CSMD1: variants seen among roughly 807,000 people sequenced by gnomAD.
CSMD1 encodes CUB and sushi domain-containing protein 1.
A neutral mutation model predicts 417.5 loss-of-function variants in CSMD1; 213 were observed. The observed-to-expected ratio is 0.51, with a 90% CI of 0.46 to 0.57. The LOEUF (loss-of-function observed/expected upper bound fraction) is 0.57. Among genes scored for constraint, CSMD1 ranks in the 20% least tolerant of loss-of-function variants. The pLI is 0.00. For missense variants in CSMD1, 6,923 were observed against 4,529.7 expected (o/e 1.53, Z -15.17); for synonymous variants, 2,862 against 1,736.8 (o/e 1.65, Z -16.11).
rs184987349 is a variant in CSMD1 at position 4,457,285 on chromosome 8, T to G, written c.303-37220A>C. 2.6e-4 allele frequency among the ~76,000 whole-genome samples: 40 copies of G among 152,254 alleles called. 1 individual carries two copies. In the Middle Eastern group the frequency reaches 0.014, roughly 52 times the overall value. On this transcript the variant is annotated intron_variant, in intron 2 of 69. Coordinates refer to ENST00000635120, the MANE Select transcript of CSMD1 (RefSeq NM_033225.6). ...TGCCCATCTTACTTACATATATCATTTGAATTGCATCTTTCTAAGACTACT... is the reference window on the plus strand; with the variant it reads ...TGCCCATCTTACTTACATATATCATGTGAATTGCATCTTTCTAAGACTACT...
At chr8:3,042,569 C>A (rs923302061) in intron 50 of CSMD1, among the ~76,000 whole-genome samples, 11 of 152,248 alleles carry the variant, frequency 7.2e-5, no homozygotes, top group African/African-American at 2.6e-4. Flanking sequence ...TACGCTAGTT[C>A]CACATGGGTA....
intron 10 of CSMD1, among the ~76,000 whole-genome samples, chr8:3,505,224 G>A (rs865891805): frequency 1.3e-5 from 2 of 152,030 alleles, no homozygotes; most frequent in African/African-American, 2.4e-5. Flanking sequence ...ATGCAATAAT[G>A]GATATAGAAT....
chr8:4,887,059 G>A (rs1249134899), intron 1 of CSMD1, among the ~76,000 whole-genome samples: 1 of 151,872 alleles, frequency 6.6e-6, no homozygotes, highest in Non-Finnish European at 1.5e-5. Context: ...GTGCTAGGTG[G>A]AAGTTTAGGA....
intron 5 of CSMD1, among the ~76,000 whole-genome samples, chr8:3,928,741 C>T (rs1809927687): frequency 6.7e-6 from 1 of 149,898 alleles, no homozygotes; most frequent in African/African-American, 2.5e-5. Flanking sequence ...TACTTTTGAA[C>T]CCATTCTGAA....
rs951743530 is a variant in CSMD1 at position 4,154,219 on chromosome 8, G to T, written c.416-122120C>A. Among the ~76,000 whole-genome samples the T allele has an allele frequency of 3.0e-4, 45 of 152,070 alleles. 1 individual carries two copies. Among genetic ancestry groups the T allele is most frequent in the Non-Finnish European group, 1.3e-4 (9 of 68,014 alleles). On this transcript the variant is annotated intron_variant, in intron 3 of 69. Coordinates refer to ENST00000635120, the MANE Select transcript of CSMD1 (RefSeq NM_033225.6). Reference sequence around the variant, plus strand: ...TCTATTCAGGAAGAATAATATCAAGGTTAGTGTAAGCATACAATGAAATAA... The same window carrying T: ...TCTATTCAGGAAGAATAATATCAAGTTTAGTGTAAGCATACAATGAAATAA...
At chr8:4,101,882 TAAC>T (rs1313123535) in intron 3 of CSMD1, among the ~76,000 whole-genome samples, 12 of 152,196 alleles carry the variant, frequency 7.9e-5, no homozygotes, top group Non-Finnish European at 1.5e-4. Context: ...ATCATCTTGT[TAAC>T]AACTACTATC....
chr8:4,228,844 G>A (rs1239123905), intron 3 of CSMD1, among the ~76,000 whole-genome samples: 1 of 151,906 alleles, frequency 6.6e-6, no homozygotes, highest in Non-Finnish European at 1.5e-5. Flanking sequence ...ACTGTGCCCA[G>A]CTAATTTTTG....
intron 5 of CSMD1, among the ~76,000 whole-genome samples, chr8:3,906,543 G>A (rs1423315243): frequency 3.3e-5 from 5 of 151,796 alleles, no homozygotes; most frequent in Admixed American, 2.0e-4. Flanking sequence ...TGAAGACAAG[G>A]TTTTAGGCAG....
chr8:3,927,141 A>C (rs1455225583), intron 5 of CSMD1, among the ~76,000 whole-genome samples: 2 of 151,984 alleles, frequency 1.3e-5, no homozygotes, highest in African/African-American at 4.8e-5. Flanking sequence ...ATTATAAATA[A>C]AAGATAGGGT....
At chr8:3,813,319 A>C (rs932065684) in intron 5 of CSMD1, among the ~76,000 whole-genome samples, 6 of 152,184 alleles carry the variant, frequency 3.9e-5, no homozygotes, top group Non-Finnish European at 4.4e-5. Flanking sequence ...CTAAGATATC[A>C]TATGATCTGT....
intron 5 of CSMD1, among the ~76,000 whole-genome samples, chr8:3,894,483 AACT>A (rs1311494445): frequency 1.3e-5 from 2 of 152,222 alleles, no homozygotes; most frequent in Non-Finnish European, 2.9e-5. Flanking sequence ...TCAAATATAG[AACT>A]ACAAGTAGTT....
At chr8:4,195,221 G>A (rs553540997) in intron 3 of CSMD1, among the ~76,000 whole-genome samples, 101 of 152,224 alleles carry the variant, frequency 6.6e-4, no homozygotes, top group African/African-American at 2.3e-3. Flanking sequence ...GCATACATTC[G>A]ATTTCAGGCA....
chr8:3,573,481 G>A (rs867919135), intron 10 of CSMD1, among the ~76,000 whole-genome samples: 30 of 152,168 alleles, frequency 2.0e-4, no homozygotes, highest in Non-Finnish European at 3.7e-4. Flanking sequence ...AGAGAGCCCA[G>A]AAATTCCTCA....
At chr8:3,081,170 C>G (rs1171136798) in intron 49 of CSMD1, among the ~76,000 whole-genome samples, 1 of 152,134 alleles carries the variant, frequency 6.6e-6, no homozygotes, top group African/African-American at 2.4e-5. Flanking sequence ...AGAATGAGCT[C>G]AACGTGCCAG....
At chr8:4,217,331 G>A (rs1018740069) in intron 3 of CSMD1, among the ~76,000 whole-genome samples, 5 of 152,184 alleles carry the variant, frequency 3.3e-5, no homozygotes, top group African/African-American at 1.2e-4. Context: ...GCCAGGTGCT[G>A]CCTTGGACTC....
chr8:4,693,527 T>C (rs1806912098), intron 1 of CSMD1, among the ~76,000 whole-genome samples: 1 of 152,240 alleles, frequency 6.6e-6, no homozygotes, highest in South Asian at 2.1e-4. Flanking sequence ...AGTCTGCTTC[T>C]TTAATTTTAC....
intron 6 of CSMD1, among the ~76,000 whole-genome samples, chr8:3,750,581 G>C (rs914787934): frequency 1.3e-5 from 2 of 151,952 alleles, no homozygotes; most frequent in South Asian, 4.2e-4. Flanking sequence ...TCAGATAAAA[G>C]GTACAATACA....
At position 2,936,240 on chromosome 8, in the gene CSMD1, C is replaced by T. The variant is rs773460552; in HGVS notation, c.*2345G>A. 1.4e-5 allele frequency: 2 copies of T among 147,596 alleles called. No homozygotes were observed. The highest frequency in any genetic ancestry group is 2.2e-4 in the South Asian group (1 of 4,538). 9.1% of individuals were successfully genotyped at this position (147,596 alleles called of 1,614,324 possible). On this transcript the variant is annotated 3_prime_UTR_variant, in exon 70 of 70. Transcript: ENST00000635120. Reference sequence around the variant, plus strand: ...GTGGTTTCTTGTATGTATGTATGTCCTGTCATTTCAGGATTTCATAGCATC... The same window carrying T: ...GTGGTTTCTTGTATGTATGTATGTCTTGTCATTTCAGGATTTCATAGCATC...
At chr8:3,619,378 T>TTA (rs1802306641) in intron 7 of CSMD1, among the ~76,000 whole-genome samples, 1 of 108,682 alleles carries the variant, frequency 9.2e-6, no homozygotes, top group African/African-American at 3.3e-5. Flanking sequence ...TTTCAAATGC[T>TTA]TATTTTTTTT....
Sources: allele counts gnomAD v4.1 joint callset (sites outside exome capture counted in the v4.1 genomes callset), GRCh38; gene constraint gnomAD v4.1.1; transcripts MANE v1.5; gene names NCBI Gene and HGNC (gene_info 2026-07-23, HGNC 2026-07-21).